Variants in VWA8 observed in about 807,000 individuals in gnomAD.
VWA8 encodes the protein von Willebrand factor A domain-containing protein 8.
In VWA8, 221 loss-of-function variants were observed where a neutral mutation model predicts 241.5. The observed-to-expected ratio is 0.91, with a 90% CI of 0.82 to 1.02. The LOEUF (loss-of-function observed/expected upper bound fraction) is 1.02, where lower values mean the gene tolerates loss of function less well. VWA8 is among the 50% of genes least tolerant of loss of function. The pLI, the probability that VWA8 is intolerant of heterozygous loss-of-function variation, is 0.00. For missense variants in VWA8, 2,322 were observed against 2,328.7 expected, an observed-to-expected ratio of 1.00 and a Z score of 0.06; for synonymous variants, 852 against 827.1, an observed-to-expected ratio of 1.03 and a Z score of -0.52.
intron 9 of VWA8, among the ~76,000 whole-genome samples, chr13:41,877,074 C>A (rs1873932835): frequency 1.3e-5 from 2 of 151,994 alleles, no homozygotes; most frequent in Non-Finnish European, 2.9e-5. Flanking sequence ...TTCAAGTCTG[C>A]TAGATAAAAC....
chr13:41,927,221 C>A, intron 2 of VWA8: 2 of 472,390 alleles, frequency 4.2e-6, no homozygotes, highest in South Asian at 3.3e-5. Context: ...TTGACCAAGT[C>A]ACCATTTTTC....
At chr13:41,939,863 AAGAT>A (rs1294235668) in intron 2 of VWA8, among the ~76,000 whole-genome samples, 18 of 152,348 alleles carry the variant, frequency 1.2e-4, no homozygotes, top group African/African-American at 4.3e-4. Context: ...TCATTACTGT[AAGAT>A]AATAGTGATT....
chr13:41,893,111 T>G (rs1353634177), intron 4 of VWA8, among the ~76,000 whole-genome samples: 1 of 152,230 alleles, frequency 6.6e-6, no homozygotes. Context: ...AGGATCTAAA[T>G]GTTTGATGAG....
At position 41,891,322 on chromosome 13, in the gene VWA8, A is replaced by G. The variant is rs113111500; in HGVS notation, c.651+98T>C. 532 of 1,432,578 alleles carry G rather than the reference A, an allele frequency of 3.7e-4. 4 individuals are homozygous for G. The African/African-American group carries it at 6.5e-3, about 17-fold the overall frequency. 88.7% of individuals were successfully genotyped at this position (1,432,578 alleles called of 1,614,324 possible). ...TACCCAAGATAAGGGCCATCTGAAC[A>G]TCTGTCCTGATTCCAACAGAGCCAT... On this transcript the variant is annotated intron_variant, in intron 5 of 44. Transcript: ENST00000379310.
chr13:41,951,761 A>T (rs1878150461), intron 1 of VWA8, among the ~76,000 whole-genome samples: 1 of 152,248 alleles, frequency 6.6e-6, no homozygotes, highest in Non-Finnish European at 1.5e-5. Flanking sequence ...ACAATAGCCA[A>T]CATTTGTTGA....
intron 21 of VWA8, among the ~76,000 whole-genome samples, chr13:41,735,532 G>C (rs9315863): frequency 6.6e-6 from 1 of 151,878 alleles, no homozygotes; most frequent in African/African-American, 2.4e-5. Flanking sequence ...GCTTTTAGTG[G>C]AGTAGTATGT....
At chr13:41,884,789 A>G (rs1371224055) in intron 8 of VWA8, among the ~76,000 whole-genome samples, 3 of 152,198 alleles carry the variant, frequency 2.0e-5, no homozygotes, top group Admixed American at 6.5e-5. Context: ...AAGATTTGAT[A>G]AAAGTATAAG....
chr13:41,796,637 T>A (rs1212465365), intron 17 of VWA8, among the ~76,000 whole-genome samples: 2 of 152,200 alleles, frequency 1.3e-5, no homozygotes, highest in Non-Finnish European at 2.9e-5. Flanking sequence ...TTATTTTGTT[T>A]GTTAGTTCAT....
At chr13:41,701,559 A>C in intron 27 of VWA8, 29 bp from the exon 28 acceptor site, 4 of 1,507,766 alleles carry the variant, frequency 2.7e-6, no homozygotes, top group Non-Finnish European at 3.5e-6. Context: ...CTCAGTTAAG[A>C]TATTTTGGTT....
chr13:41,763,818 C>T (rs1032943453), intron 20 of VWA8, among the ~76,000 whole-genome samples: 112 of 152,090 alleles, frequency 7.4e-4, no homozygotes, highest in African/African-American at 2.7e-3. Flanking sequence ...ATTAAATAGC[C>T]ATGCCTATTT....
At chr13:41,725,462 A>G (rs1301296278) in intron 24 of VWA8, among the ~76,000 whole-genome samples, 1 of 152,196 alleles carries the variant, frequency 6.6e-6, no homozygotes, top group South Asian at 2.1e-4. Flanking sequence ...ATGGTATAAG[A>G]TAAGACTGCT....
In VWA8 at chr13:41,614,527, C is replaced by A. The variant is rs115867066; in HGVS notation, c.4720+449G>T. Reference sequence around the variant, plus strand: ...AAGATGTGGAAGACAAGGACCATTTCTTTTCAGTCAGTTGCTGAAGAAAGA... The same window carrying A: ...AAGATGTGGAAGACAAGGACCATTTATTTTCAGTCAGTTGCTGAAGAAAGA... On this transcript the variant is annotated intron_variant, in intron 38 of 44. Transcript: ENST00000379310. 1.7e-3 allele frequency among the ~76,000 whole-genome samples: 252 copies of A among 152,342 alleles called. 1 individual carries two copies. Among genetic ancestry groups the A allele is most frequent in the African/African-American group, 5.7e-3 (238 of 41,578 alleles).
chr13:41,913,751 A>G (rs1876119474), intron 2 of VWA8, among the ~76,000 whole-genome samples: 2 of 152,224 alleles, frequency 1.3e-5, no homozygotes, highest in South Asian at 4.1e-4. Flanking sequence ...AGCATATTAT[A>G]ATCTCCCCAA....
chr13:41,912,281 T>G (rs1593864622), intron 2 of VWA8, 113 bp from the exon 3 acceptor site: 1 of 784,958 alleles, frequency 1.3e-6, no homozygotes, highest in Non-Finnish European at 1.7e-6. Flanking sequence ...AAATATGTGT[T>G]TATCTGTGTA....
At chr13:41,575,625 G>A (rs2044345916) in intron 43 of VWA8, 115 bp downstream of exon 43, 1 of 691,126 alleles carries the variant, frequency 1.4e-6, no homozygotes, top group South Asian at 2.1e-5. Context: ...ACTTGAATGT[G>A]TGTGAAACAG....
At chr13:41,647,420 A>C (rs1036492571) in intron 37 of VWA8, among the ~76,000 whole-genome samples, 1 of 152,246 alleles carries the variant, frequency 6.6e-6, no homozygotes, top group African/African-American at 2.4e-5. Context: ...GATTTTCTTA[A>C]ATACATTAGA....
chr13:41,700,328 C>A (rs982127911), intron 28 of VWA8, among the ~76,000 whole-genome samples: 2 of 151,532 alleles, frequency 1.3e-5, no homozygotes, highest in African/African-American at 4.8e-5. Flanking sequence ...TATAAAGATA[C>A]AGTAAATTTA....
chr13:41,711,018 T>C (rs1444070307), intron 26 of VWA8, among the ~76,000 whole-genome samples: 2 of 152,250 alleles, frequency 1.3e-5, no homozygotes, highest in African/African-American at 4.8e-5. Context: ...GATGAAGCTT[T>C]CTGTCTGCAA....
rs571876097 is a variant in VWA8 at position 41,894,168 on chromosome 13, G to C, written c.484-2581C>G. ...CAAAATGTAATGGTTCACCATCTATGGGCCACAAAAAGCAAAGTCTTGACA... is the reference window on the plus strand; with the variant it reads ...CAAAATGTAATGGTTCACCATCTATCGGCCACAAAAAGCAAAGTCTTGACA... On this transcript the variant is annotated intron_variant, in intron 4 of 44. Transcript: ENST00000379310. Among the ~76,000 whole-genome samples, 9 of 152,262 alleles carry C rather than the reference G, an allele frequency of 5.9e-5. No homozygotes were observed. The South Asian group carries it at 1.9e-3, about 32-fold the overall frequency.
Sources: allele counts gnomAD v4.1 joint callset (sites outside exome capture counted in the v4.1 genomes callset), GRCh38; gene constraint gnomAD v4.1.1; transcripts MANE v1.5; gene names NCBI Gene and HGNC (gene_info 2026-07-23, HGNC 2026-07-21).